NOL4L: variants seen among roughly 807,000 people sequenced by gnomAD.
NOL4L encodes the protein nucleolar protein 4 like.
In NOL4L, 7 loss-of-function variants were observed where a neutral mutation model predicts 64.5. The observed-to-expected ratio is 0.11, with a 90% CI of 0.06 to 0.20. The LOEUF (loss-of-function observed/expected upper bound fraction) is 0.20, where lower values mean the gene tolerates loss of function less well. Ranked by LOEUF, NOL4L falls within the 10% of genes least tolerant of loss-of-function variation. The pLI, the probability that NOL4L is intolerant of heterozygous loss-of-function variation, is 1.00. For synonymous variants in NOL4L, 413 were observed against 401.0 expected (o/e 1.03, Z -0.36); for missense variants, 680 against 967.1 (o/e 0.70, Z 3.94).
At chr20:32,483,264 C>T (rs2015861744) in intron 4 of NOL4L, 1 of 727,922 alleles carries the variant, frequency 1.4e-6, no homozygotes, top group Non-Finnish European at 1.7e-6. Flanking sequence ...GCCCCCCTAA[C>T]CGCAGCTCAA....
chr20:32,457,157 G>C (rs553411702), intron 5 of NOL4L, among the ~76,000 whole-genome samples: 1 of 152,236 alleles, frequency 6.6e-6, no homozygotes, highest in African/African-American at 2.4e-5. Flanking sequence ...GCGCGGCACC[G>C]CCAGCCTGCG....
chr20:32,504,821 G>A (rs564024283), intron 4 of NOL4L, among the ~76,000 whole-genome samples: 25 of 152,130 alleles, frequency 1.6e-4, no homozygotes, highest in African/African-American at 5.3e-4. Flanking sequence ...GGATGGTCTC[G>A]ATCTCTTGAC....
At chr20:32,515,398 T>C (rs931251218) in intron 3 of NOL4L, among the ~76,000 whole-genome samples, 1 of 152,060 alleles carries the variant, frequency 6.6e-6, no homozygotes, top group African/African-American at 2.4e-5. Context: ...GGGGACATTC[T>C]AGGTGAGGAA....
intron 1 of NOL4L, among the ~76,000 whole-genome samples, chr20:32,552,858 G>T (rs1181798644): frequency 2.0e-5 from 3 of 152,128 alleles, no homozygotes; most frequent in Admixed American, 6.5e-5. Flanking sequence ...ACAAAAATTA[G>T]CCGGGCATGG....
intron 4 of NOL4L, among the ~76,000 whole-genome samples, chr20:32,476,045 GA>G (rs1283465670): frequency 6.6e-6 from 1 of 152,078 alleles, no homozygotes; most frequent in Non-Finnish European, 1.5e-5. Context: ...GGCCTCGGGG[GA>G]TGGACAGAGC....
At chr20:32,484,061 C>G (rs2015932447) in intron 4 of NOL4L, among the ~76,000 whole-genome samples, 1 of 151,950 alleles carries the variant, frequency 6.6e-6, no homozygotes, top group Non-Finnish European at 1.5e-5. Flanking sequence ...AGAGGGCACC[C>G]GGCGGGCTGT....
rs566317193 is a variant in NOL4L, at chr20:32,494,253, G to GAAA, written c.699+17091_699+17093dup. Among the ~76,000 whole-genome samples the GAAA allele has an allele frequency of 6.5e-3, 144 of 22,018 alleles. 17 individuals carry two copies. Among genetic ancestry groups the GAAA allele is most frequent in the Middle Eastern group, 0.042 (1 of 24 alleles). The allele number at this position is 22,018 out of a possible 152,430, so 14.4% of individuals were successfully genotyped here. ...GGGCCACAGAGTGAGATAATCTCGG[G>GAAA]AAAAAAAAAAAAAAAAAAAAAAAAA... is the stretch of plus-strand genomic sequence containing the variant. On this transcript the variant is annotated intron_variant, in intron 4 of 10. Transcript: ENST00000621426.
Position 32,453,014 on chromosome 20 carries a change from C to T in NOL4L, c.1498-8G>A. On this transcript the variant is annotated splice_polypyrimidine_tract_variant and splice_region_variant and intron_variant, in intron 8 of 10. Transcript: ENST00000621426. The surrounding 1 kb of genome is among the most constrained non-coding windows in gnomAD (Gnocchi z 5.6). ...GGGTGGCGTGGGTCTGGTCTGCAGG[C>T]AGAACGGGGATGGAGCTAGCATGGG... 6.2e-7 allele frequency: 1 copy of T among 1,612,760 alleles called. No homozygotes were observed. The highest frequency in any genetic ancestry group is 8.5e-7 in the Non-Finnish European group (1 of 1,179,980).
intron 5 of NOL4L, 148 bp downstream of exon 5, chr20:32,474,453 G>A: frequency 1.1e-6 from 1 of 873,014 alleles, no homozygotes; most frequent in Non-Finnish European, 1.6e-6. Flanking sequence ...GAGAACACTG[G>A]GGGCAGTGCA....
At chr20:32,525,776 G>A (rs897619341) in intron 2 of NOL4L, among the ~76,000 whole-genome samples, 8 of 151,704 alleles carry the variant, frequency 5.3e-5, no homozygotes, top group African/African-American at 9.7e-5. Context: ...TTTATTTTTG[G>A]AGACAGAGTC....
intron 1 of NOL4L, chr20:32,532,308 G>A (rs1408404637): frequency 4.1e-6 from 4 of 975,786 alleles, no homozygotes; most frequent in African/African-American, 3.5e-5. Flanking sequence ...AAGGGCTGCA[G>A]AGCCATACCT....
At chr20:32,478,037 C>T (rs1379170704) in intron 4 of NOL4L, among the ~76,000 whole-genome samples, 1 of 152,214 alleles carries the variant, frequency 6.6e-6, no homozygotes, top group Non-Finnish European at 1.5e-5. Flanking sequence ...GCCCCGCCTG[C>T]CCCAACTGCC....
At position 32,540,152 on chromosome 20, in the gene NOL4L, C is replaced by T. The variant is rs527461317; in HGVS notation, c.322-12239G>A. Among the ~76,000 whole-genome samples the T allele has an allele frequency of 9.2e-5, 14 of 152,310 alleles. No homozygotes were observed. The South Asian group carries it at 2.5e-3, about 27-fold the overall frequency. ...GGACTCTGACCCCTTCGCCTCTGCA[C>T]GTGCCTGTCCTGCCCTGAGGTAGCC... is the stretch of plus-strand genomic sequence containing the variant. On this transcript the variant is annotated intron_variant, in intron 1 of 10. Transcript: ENST00000621426.
At chr20:32,581,505 C>T (rs539578013) in intron 1 of NOL4L, among the ~76,000 whole-genome samples, 2 of 152,178 alleles carry the variant, frequency 1.3e-5, no homozygotes, top group African/African-American at 4.8e-5. Context: ...GAAGGGAGGC[C>T]CAGGGTGGGG....
intron 1 of NOL4L, among the ~76,000 whole-genome samples, chr20:32,541,420 G>A (rs895230745): frequency 6.6e-6 from 1 of 152,196 alleles, no homozygotes; most frequent in South Asian, 2.1e-4. Context: ...AAGATCTCAG[G>A]ATCCCAGTCA....
chr20:32,455,944 T>C (rs986626760), intron 6 of NOL4L, among the ~76,000 whole-genome samples, 174 bp downstream of exon 6: 3 of 152,040 alleles, frequency 2.0e-5, no homozygotes, highest in Non-Finnish European at 4.4e-5. Flanking sequence ...CCAAGCCATC[T>C]CCCATTCCAG....
intron 4 of NOL4L, among the ~76,000 whole-genome samples, chr20:32,500,219 G>T (rs1265481862): frequency 6.6e-6 from 1 of 152,092 alleles, no homozygotes; most frequent in East Asian, 1.9e-4. Context: ...TTGTTTTTTT[G>T]TTTTGTTTTA....
At chr20:32,480,961 A>G (rs1430041022) in intron 4 of NOL4L, among the ~76,000 whole-genome samples, 4 of 152,152 alleles carry the variant, frequency 2.6e-5, no homozygotes, top group African/African-American at 9.7e-5. Context: ...TCTGCTTACT[A>G]GCCATGCAAG....
intron 1 of NOL4L, among the ~76,000 whole-genome samples, chr20:32,552,028 G>A (rs57596192): frequency 6.6e-6 from 1 of 152,094 alleles, no homozygotes; most frequent in African/African-American, 2.4e-5. Context: ...GGGCTCAAGT[G>A]ATCCTCCTGC....
Sources: allele counts gnomAD v4.1 joint callset (sites outside exome capture counted in the v4.1 genomes callset), GRCh38; gene constraint gnomAD v4.1.1; non-coding constraint Gnocchi (gnomAD v3.1); transcripts MANE v1.5; gene names NCBI Gene and HGNC (gene_info 2026-07-23, HGNC 2026-07-21).